APP: variants seen among roughly 807,000 people sequenced by gnomAD.
APP encodes the protein amyloid beta precursor protein, also known as amyloid-beta precursor protein.
APP carries 31 observed loss-of-function variants against 101.4 expected under a neutral mutation model. The observed-to-expected ratio is 0.31, with a 90% CI of 0.23 to 0.41. The LOEUF (loss-of-function observed/expected upper bound fraction) is 0.41, where lower values mean the gene tolerates loss of function less well. Ranked by LOEUF, APP falls within the 10% of genes least tolerant of loss-of-function variation. The probability of loss-of-function intolerance (pLI) is 1.00; values close to 1 mark genes in which losing one functional copy is unlikely to be tolerated. For synonymous variants in APP, 366 were observed against 364.4 expected (o/e 1.00, Z -0.05); for missense variants, 839 against 1,003.7 (o/e 0.84, Z 2.22).
intron 13 of APP, among the ~76,000 whole-genome samples, chr21:25,920,689 A>G (rs2039586903): frequency 6.6e-6 from 1 of 151,842 alleles, no homozygotes. Context: ...TATCCTAAAC[A>G]TATATGCACC....
At chr21:26,124,011 A>G (rs1233156713) in intron 1 of APP, among the ~76,000 whole-genome samples, 3 of 152,048 alleles carry the variant, frequency 2.0e-5, no homozygotes, top group Non-Finnish European at 4.4e-5. Context: ...ATGTGCAAAC[A>G]AGACAAAAGT....
In APP at chr21:25,924,446, A is replaced by AGTTCATGT. The variant is rs2039793319; in HGVS notation, c.1688-12492_1688-12485dup. On this transcript the variant is annotated intron_variant, in intron 13 of 17. Transcript: ENST00000346798. Reference sequence around the variant, plus strand: ...AAAAAAAGGAAAAAAAAAAAGGTTGAGTTCATGTCCTTTGCAGGGCCATGG... The same window carrying AGTTCATGT: ...AAAAAAAGGAAAAAAAAAAAGGTTGAGTTCATGTGTTCATGTCCTTTGCAGGGCCATGG... 2.5e-5 allele frequency among the ~76,000 whole-genome samples: 3 copies of AGTTCATGT among 118,564 alleles called. 1 individual carries two copies. In the Admixed American group the frequency reaches 2.6e-4, roughly 10 times the overall value. The allele number at this position is 118,564 out of a possible 152,430, so 77.8% of individuals were successfully genotyped here. A position where few individuals can be genotyped will look rare whatever the true frequency, so the allele number is the denominator to read the frequency against.
intron 3 of APP, among the ~76,000 whole-genome samples, chr21:26,070,498 G>GT (rs2146033829): frequency 6.6e-6 from 1 of 152,270 alleles, no homozygotes; most frequent in South Asian, 2.1e-4. Context: ...GCAACTGGAT[G>GT]TTATCAGTGG....
intron 8 of APP, among the ~76,000 whole-genome samples, chr21:25,983,505 A>G (rs45521634): frequency 0.014 from 2,115 of 152,350 alleles, 48 homozygotes; most frequent in African/African-American, 0.048. Context: ...TAGCTAAGTC[A>G]TTTTGAAACT....
chr21:26,047,636 T>C (rs1352424763), intron 5 of APP, among the ~76,000 whole-genome samples: 1 of 152,206 alleles, frequency 6.6e-6, no homozygotes, highest in Admixed American at 6.5e-5. Flanking sequence ...AAAACAAGAA[T>C]AGTTAAAAAC....
At chr21:25,972,908 G>T (rs369759096) in intron 11 of APP, among the ~76,000 whole-genome samples, 3 of 151,982 alleles carry the variant, frequency 2.0e-5, no homozygotes, top group African/African-American at 2.4e-5. Flanking sequence ...CGCTTACAGA[G>T]AGAGAGAGAG....
chr21:26,082,331 A>C (rs2061615676), intron 3 of APP, among the ~76,000 whole-genome samples: 1 of 152,214 alleles, frequency 6.6e-6, no homozygotes, highest in Non-Finnish European at 1.5e-5. Context: ...GCTGTCAAAA[A>C]ACTCTTATTA....
At chr21:26,159,199 C>A (rs2063436445) in intron 1 of APP, among the ~76,000 whole-genome samples, 1 of 152,108 alleles carries the variant, frequency 6.6e-6, no homozygotes, top group Admixed American at 6.5e-5. Context: ...CCTGCCTCAG[C>A]CTCCCGAGTA....
intron 13 of APP, among the ~76,000 whole-genome samples, chr21:25,935,859 A>AAAAC (rs58675490): frequency 8.9e-5 from 13 of 146,326 alleles, no homozygotes; most frequent in Non-Finnish European, 1.8e-4. Flanking sequence ...AAAAAAAAAA[A>AAAAC]AACCTGTCAA....
intron 13 of APP, among the ~76,000 whole-genome samples, chr21:25,952,187 T>TACACACACACACACACACACACACAC (rs1324301529): frequency 9.0e-6 from 1 of 111,094 alleles, no homozygotes. Context: ...GCATATTACA[T>TACACACACACACACACACACACACAC]ACATACACAC....
At chr21:25,963,403 GT>G (rs2041664466) in intron 11 of APP, among the ~76,000 whole-genome samples, 1 of 152,086 alleles carries the variant, frequency 6.6e-6, no homozygotes, top group South Asian at 2.1e-4. Context: ...CCCTAAACCC[GT>G]TTCTTATGGA....
intron 1 of APP, among the ~76,000 whole-genome samples, chr21:26,126,632 G>C (rs2062690045): frequency 6.6e-6 from 1 of 152,006 alleles, no homozygotes; most frequent in East Asian, 1.9e-4. Context: ...GGTGCTACTG[G>C]CATCTATCTA....
In APP at chr21:26,000,162, C is replaced by A; in HGVS notation, c.886G>T (p.Glu296Ter). 3 of 1,614,232 alleles carry A rather than the reference C, an allele frequency of 1.9e-6. No homozygotes were observed. Among genetic ancestry groups the A allele is most frequent in the Non-Finnish European group, 2.5e-6 (3 of 1,180,034 alleles). Residue 296 changes from glutamate to a stop codon, truncating the protein, a stop_gained, in exon 7 of 18, where the codon GAG becomes TAG. Transcript: ENST00000346798. LOFTEE classifies it high-confidence loss of function. The stretch of plus-strand genomic sequence containing the variant: ...ATCATTGCTCGGCACGGCCCCGTCT[C>A]GGCTTGTTCAGAGCACACCTCTAAT... ...VVREVCSEQA[E>*]TGPCRAMISR...
At chr21:26,053,414 A>G (rs561775615) in intron 3 of APP, 66 bp from the exon 4 acceptor site, 2 of 1,186,154 alleles carry the variant, frequency 1.7e-6, no homozygotes, top group South Asian at 1.2e-5. Flanking sequence ...CGCAGAAGAC[A>G]TCAAGGAAAG....
At chr21:25,887,735 T>C (rs1470531739) in intron 17 of APP, among the ~76,000 whole-genome samples, 2 of 152,180 alleles carry the variant, frequency 1.3e-5, no homozygotes, top group Non-Finnish European at 2.9e-5. Flanking sequence ...CAACTGTCTA[T>C]AGTATTCAGT....
At chr21:26,091,296 A>T (rs2061819354) in intron 2 of APP, among the ~76,000 whole-genome samples, 1 of 152,218 alleles carries the variant, frequency 6.6e-6, no homozygotes, top group South Asian at 2.1e-4. Context: ...CACTGATCAC[A>T]CTCCAGGGGC....
At chr21:25,954,555 GTCCA>G in intron 13 of APP, 31 bp downstream of exon 13, 2 of 1,548,082 alleles carry the variant, frequency 1.3e-6, no homozygotes, top group Non-Finnish European at 1.8e-6. Context: ...GAAAATACAT[GTCCA>G]TGTGCAGCAT....
intron 6 of APP, among the ~76,000 whole-genome samples, chr21:26,004,950 G>A (rs2043465190): frequency 6.6e-6 from 1 of 152,082 alleles, no homozygotes; most frequent in African/African-American, 2.4e-5. Context: ...ATGGTTTCCA[G>A]CTTCATCCAT....
intron 11 of APP, among the ~76,000 whole-genome samples, chr21:25,966,865 C>T (rs1232809789): frequency 6.6e-6 from 1 of 152,116 alleles, no homozygotes; most frequent in African/African-American, 2.4e-5. Context: ...CATATAGTGG[C>T]GAAAAATTTA....
Sources: allele counts gnomAD v4.1 joint callset (sites outside exome capture counted in the v4.1 genomes callset), GRCh38; gene constraint gnomAD v4.1.1; transcripts MANE v1.5; gene names NCBI Gene and HGNC (gene_info 2026-07-23, HGNC 2026-07-21).